DOCK9: variants seen among roughly 807,000 people sequenced by gnomAD.
DOCK9 encodes dedicator of cytokinesis protein 9.
Under a neutral mutation model 263.3 loss-of-function variants are expected in DOCK9, and 89 were observed. The observed-to-expected ratio is 0.34, with a 90% confidence interval of 0.28 to 0.40. DOCK9 has a LOEUF of 0.40. Among genes scored for constraint, DOCK9 ranks in the 10% least tolerant of loss-of-function variants. The pLI is 1.00. For missense variants in DOCK9, 2,140 were observed against 2,603.4 expected (o/e 0.82, Z 3.87); for synonymous variants, 976 against 973.1 (o/e 1.00, Z -0.06).
Position 98,824,600 on chromosome 13 carries a change from G to T in DOCK9, c.5024-96C>A, listed in dbSNP as rs137889917. 357 of 1,122,840 alleles carry T rather than the reference G, an allele frequency of 3.2e-4. 1 individual carries two copies. The African/African-American group carries it at 4.6e-3, about 14-fold the overall frequency. 69.6% of individuals were successfully genotyped at this position (1,122,840 alleles called of 1,614,324 possible). On this transcript the variant is annotated intron_variant, in intron 44 of 52. Transcript: ENST00000682017. ...TGCCCTGTGTGTTTCTGTGTTGAATGAAATAACGGATTTTGAAATCTCTTA... is the reference window on the plus strand; with the variant it reads ...TGCCCTGTGTGTTTCTGTGTTGAATTAAATAACGGATTTTGAAATCTCTTA...
intron 1 of DOCK9, among the ~76,000 whole-genome samples, chr13:99,071,306 C>G (rs1336062098): frequency 2.0e-5 from 1 of 49,320 alleles, no homozygotes; most frequent in Non-Finnish European, 3.4e-5. Flanking sequence ...CCATGCCTGG[C>G]TTTTTTTTTT....
upstream of DOCK9, among the ~76,000 whole-genome samples, chr13:98,983,028 G>A (rs1442712697): frequency 1.3e-5 from 2 of 152,106 alleles, no homozygotes; most frequent in Non-Finnish European, 2.9e-5. Flanking sequence ...ACAATACGAG[G>A]AATAAATCAA....
At chr13:98,987,076 C>T (rs562311675) in intron 1 of DOCK9, among the ~76,000 whole-genome samples, 2 of 152,158 alleles carry the variant, frequency 1.3e-5, no homozygotes, top group Non-Finnish European at 1.5e-5. Flanking sequence ...CCACCACCAC[C>T]GCCACCACCA....
Position 98,832,234 on chromosome 13 carries a change from A to G in DOCK9, c.4315-448T>C, listed in dbSNP as rs142255940. Reference sequence around the variant, plus strand: ...GGAAAAGTGATCTCCCCAGGCCTCTAAGGCACTCTGCTAAGCTATGAATAA... The same window carrying G: ...GGAAAAGTGATCTCCCCAGGCCTCTGAGGCACTCTGCTAAGCTATGAATAA... On this transcript the variant is annotated intron_variant, in intron 39 of 52. Transcript: ENST00000682017. 29 of 161,942 alleles carry G rather than the reference A, an allele frequency of 1.8e-4. No individual in the cohort carries two copies. In the East Asian group the frequency reaches 4.2e-3, roughly 24 times the overall value. The allele number at this position is 161,942 out of a possible 1,614,324, so 10.0% of individuals were successfully genotyped here.
At chr13:98,915,267 C>G in intron 8 of DOCK9, 62 bp downstream of exon 8, 1 of 1,538,068 alleles carries the variant, frequency 6.5e-7, no homozygotes, top group Non-Finnish European at 8.8e-7. Context: ...TTATACCCAC[C>G]TGGCAAAAAT....
At chr13:98,865,690 G>T (rs1040916034) in intron 30 of DOCK9, among the ~76,000 whole-genome samples, 3 of 152,292 alleles carry the variant, frequency 2.0e-5, no homozygotes, top group African/African-American at 7.2e-5. Flanking sequence ...CCTGGGCTCT[G>T]TACCAGGTGG....
chr13:99,073,450 T>C (rs78305879), intron 1 of DOCK9, among the ~76,000 whole-genome samples: 2,496 of 152,096 alleles, frequency 0.016, 38 homozygotes, highest in South Asian at 0.056. Flanking sequence ...TGAAGGCTTT[T>C]CTTTCGGCCT....
chr13:98,888,596 T>C (rs1192564958), intron 16 of DOCK9, 36 bp downstream of exon 16: 1 of 1,612,174 alleles, frequency 6.2e-7, no homozygotes, highest in East Asian at 2.2e-5. Flanking sequence ...CCCAAACTAA[T>C]AAAAATTCTG....
chr13:99,068,347 C>A (rs976544623), intron 1 of DOCK9, among the ~76,000 whole-genome samples: 2 of 152,142 alleles, frequency 1.3e-5, no homozygotes, highest in African/African-American at 4.8e-5. Context: ...ACTTTGGGAG[C>A]CCCAGGTGGC....
intron 1 of DOCK9, among the ~76,000 whole-genome samples, chr13:99,051,460 G>A (rs1228077811): frequency 6.6e-6 from 1 of 151,978 alleles, no homozygotes; most frequent in Non-Finnish European, 1.5e-5. Flanking sequence ...CTTCTCTCTT[G>A]AACCTCGCAA....
chr13:98,891,425 C>T (rs779376072), intron 15 of DOCK9, among the ~76,000 whole-genome samples: 3 of 152,188 alleles, frequency 2.0e-5, no homozygotes, highest in Non-Finnish European at 4.4e-5. Context: ...CTGTTTATTA[C>T]AAATTATACT....
At chr13:98,863,297 T>C (rs1381953074) in intron 31 of DOCK9, 73 bp downstream of exon 31, 5 of 1,555,214 alleles carry the variant, frequency 3.2e-6, no homozygotes, top group African/African-American at 1.4e-5. Context: ...ATTTTCTAAC[T>C]GATTACTTTC....
In DOCK9 at chr13:98,886,573, C is replaced by T; in HGVS notation, c.2095G>A (p.Ala699Thr). 1 of 1,613,894 alleles carries T rather than the reference C, an allele frequency of 6.2e-7. No individual in the cohort carries two copies. Among genetic ancestry groups the T allele is most frequent in the Non-Finnish European group, 8.5e-7 (1 of 1,179,812 alleles). The change falls in exon 19 of 53, where the codon GCA (alanine) becomes ACA (threonine). Residue 699 changes from alanine (A) to threonine (T), a missense_variant. Transcript: ENST00000682017. ...GPVFTRSAFA[A>T]VLHHHQNPEF... is the part of the protein sequence containing the mutation. The stretch of plus-strand genomic sequence containing the variant: ...GGGTTTTGGTGATGGTGTAAAACTG[C>T]AGCAAAGGCGCTTCTTGTGAAAACT...
chr13:98,882,163 T>C (rs1281628783), intron 23 of DOCK9, among the ~76,000 whole-genome samples, 156 bp from the exon 24 acceptor site: 1 of 152,138 alleles, frequency 6.6e-6, no homozygotes, highest in East Asian at 1.9e-4. Context: ...TGTGTCTTAG[T>C]CCTCAGCACA....
At chr13:98,943,301 T>G (rs766396453) in intron 2 of DOCK9, among the ~76,000 whole-genome samples, 7 of 152,230 alleles carry the variant, frequency 4.6e-5, no homozygotes, top group Non-Finnish European at 7.3e-5. Context: ...TCTTTGGATC[T>G]CATGCACACA....
chr13:98,937,724 T>TC (rs970019255), intron 2 of DOCK9, among the ~76,000 whole-genome samples: 3 of 151,704 alleles, frequency 2.0e-5, no homozygotes, highest in African/African-American at 7.3e-5. Context: ...TTTTTTTTTT[T>TC]TTTTAACAGA....
chr13:98,876,423 G>A (rs1464567436), intron 27 of DOCK9, among the ~76,000 whole-genome samples: 1 of 152,166 alleles, frequency 6.6e-6, no homozygotes, highest in Non-Finnish European at 1.5e-5. Flanking sequence ...CCCAGGAGGT[G>A]GAGGTCGCAG....
At chr13:98,857,042 T>G (rs1270515890) in intron 33 of DOCK9, 1 of 152,242 alleles carries the variant, frequency 6.6e-6, no homozygotes, top group Non-Finnish European at 1.5e-5. Context: ...AGGTAATAGA[T>G]TGACTTCCTG....
At position 98,964,812 on chromosome 13, in the gene DOCK9, C is replaced by T. The variant is rs532040086; in HGVS notation, c.127-9261G>A. Among the ~76,000 whole-genome samples, 106 of 152,282 alleles carry T rather than the reference C, an allele frequency of 7.0e-4. 1 individual carries two copies. In the South Asian group the frequency reaches 0.021, roughly 30 times the overall value. ...AGAAAGCCCTTCTGAAAAAGAGACT[C>T]CACACAGCTGCTACCTGAGGTGAGC... is the stretch of plus-strand genomic sequence containing the variant. On this transcript the variant is annotated intron_variant, in intron 1 of 52. Coordinates refer to ENST00000682017, the MANE Select transcript of DOCK9 (RefSeq NM_001366683.2).
Sources: allele counts gnomAD v4.1 joint callset (sites outside exome capture counted in the v4.1 genomes callset), GRCh38; gene constraint gnomAD v4.1.1; transcripts MANE v1.5; gene names NCBI Gene and HGNC (gene_info 2026-07-23, HGNC 2026-07-21).